The following AMD1 variants were observed in gnomAD, a reference collection of about 807,000 sequenced individuals.
AMD1 encodes S-adenosylmethionine decarboxylase proenzyme.
Under a neutral mutation model 40.2 loss-of-function variants are expected in AMD1, and 11 were observed. The ratio of observed to expected loss-of-function variants is 0.27; its 90% CI spans 0.17 to 0.45. The LOEUF is 0.45. Among genes scored for constraint, AMD1 ranks in the 20% least tolerant of loss-of-function variants. AMD1 has a pLI of 1.00. For missense variants in AMD1, 257 were observed against 410.2 expected (o/e 0.63, Z 3.23); for synonymous variants, 121 against 130.8 (o/e 0.93, Z 0.51).
the AMD1 span, among the ~76,000 whole-genome samples, chr6:110,854,471 C>T: frequency 1.3e-5 from 2 of 150,482 alleles, no homozygotes; most frequent in Non-Finnish European, 3.0e-5. Flanking sequence ...TTTTTTGAAA[C>T]GGAGTCTCAT....
the AMD1 span, among the ~76,000 whole-genome samples, chr6:110,862,936 TTTTGTTTGTTTTTG>T: frequency 3.8e-5 from 4 of 104,724 alleles, no homozygotes; most frequent in Non-Finnish European, 8.0e-5. Flanking sequence ...GTTTGTTTGT[TTTTGTTTGTTTTTG>T]TTTGTTTGTT....
chr6:110,827,456 T>C, the AMD1 span, among the ~76,000 whole-genome samples: 5 of 152,090 alleles, frequency 3.3e-5, no homozygotes, highest in East Asian at 5.8e-4. Flanking sequence ...ATGTTTTCTT[T>C]CTATAAAGGA....
the AMD1 span, chr6:110,856,605 C>T: frequency 2.0e-5 from 3 of 152,178 alleles, no homozygotes; most frequent in South Asian, 2.1e-4. Flanking sequence ...TGGTAAGTAG[C>T]ATAGCTGCCC....
Position 110,886,105 on chromosome 6 carries a change from A to G in AMD1, c.111-1400A>G, listed in dbSNP as rs148847644. ...CCCTGTCGCCACTAAAAATACAAAA[A>G]TTAGCCAGGTGTGGTGGCACGTGCC... On this transcript the variant is annotated intron_variant, in intron 1 of 8. Transcript: ENST00000368885. 7.6e-3 allele frequency among the ~76,000 whole-genome samples: 1,158 copies of G among 151,966 alleles called. 23 individuals are homozygous for G. The highest frequency in any genetic ancestry group is 0.027 in the African/African-American group (1,107 of 41,452).
the AMD1 span, among the ~76,000 whole-genome samples, chr6:110,859,590 G>A: frequency 2.6e-4 from 39 of 152,262 alleles, no homozygotes; most frequent in African/African-American, 9.4e-4. Flanking sequence ...GAGGAATGGG[G>A]CGGGGACAGT....
chr6:110,824,546 G>A, the AMD1 span, among the ~76,000 whole-genome samples: 1 of 152,202 alleles, frequency 6.6e-6, no homozygotes, highest in African/African-American at 2.4e-5. Flanking sequence ...GTAACCAAAA[G>A]CCACTTGTAT....
intron 1 of AMD1, among the ~76,000 whole-genome samples, chr6:110,881,348 A>T (rs1489479210): frequency 6.6e-6 from 1 of 152,168 alleles, no homozygotes; most frequent in African/African-American, 2.4e-5. Context: ...CAGTTGTGAT[A>T]AAAAATGTCT....
At chr6:110,888,344 TCA>T (rs1269071975) in intron 2 of AMD1, 2 of 152,108 alleles carry the variant, frequency 1.3e-5, no homozygotes, top group Admixed American at 1.3e-4. Context: ...AGGCGGAGTC[TCA>T]GTCTGTCCAG....
the AMD1 span, among the ~76,000 whole-genome samples, chr6:110,835,254 G>A: frequency 1.3e-5 from 2 of 151,240 alleles, no homozygotes; most frequent in East Asian, 2.1e-4. Context: ...TCCTGACCTC[G>A]TGATCCGCCC....
chr6:110,839,885 T>C, the AMD1 span, among the ~76,000 whole-genome samples: 1 of 152,134 alleles, frequency 6.6e-6, no homozygotes, highest in African/African-American at 2.4e-5. Flanking sequence ...TTAGCCAACA[T>C]GGCTGGGAAA....
intron 1 of AMD1, among the ~76,000 whole-genome samples, chr6:110,880,179 A>G (rs1351021046): frequency 2.4e-4 from 36 of 150,728 alleles, no homozygotes; most frequent in African/African-American, 8.3e-4. Flanking sequence ...CTGGTCTTGA[A>G]CTCCTGACTT....
chr6:110,881,649 C>G (rs1299147785), intron 1 of AMD1, among the ~76,000 whole-genome samples: 1 of 151,756 alleles, frequency 6.6e-6, no homozygotes, highest in African/African-American at 2.4e-5. Context: ...AACACCTTCT[C>G]TACTAAAAAT....
the AMD1 span, among the ~76,000 whole-genome samples, chr6:110,819,166 T>C: frequency 2.0e-5 from 3 of 152,140 alleles, no homozygotes; most frequent in Non-Finnish European, 4.4e-5. Flanking sequence ...GAGACCAGCC[T>C]AATCAACACG....
chr6:110,878,889 T>C (rs1785249249), intron 1 of AMD1, among the ~76,000 whole-genome samples: 1 of 152,226 alleles, frequency 6.6e-6, no homozygotes, highest in South Asian at 2.1e-4. Context: ...TCAGCTTAAC[T>C]TTCCCCAAAC....
chr6:110,859,340 TGG>T, the AMD1 span, among the ~76,000 whole-genome samples: 20 of 152,078 alleles, frequency 1.3e-4, no homozygotes, highest in Non-Finnish European at 2.4e-4. Flanking sequence ...CACCAGGCTG[TGG>T]GGTAAGGGGT....
At chr6:110,883,182 T>C (rs936633894) in intron 1 of AMD1, among the ~76,000 whole-genome samples, 1 of 152,222 alleles carries the variant, frequency 6.6e-6, no homozygotes, top group African/African-American at 2.4e-5. Flanking sequence ...TCTTCTCTTA[T>C]TAAAATGCAA....
chr6:110,845,898 T>C, the AMD1 span, among the ~76,000 whole-genome samples: 1 of 152,228 alleles, frequency 6.6e-6, no homozygotes, highest in Admixed American at 6.6e-5. Flanking sequence ...ACACCAGTTT[T>C]GAAACCTGCT....
chr6:110,832,888 T>A, the AMD1 span, among the ~76,000 whole-genome samples: 1 of 152,144 alleles, frequency 6.6e-6, no homozygotes, highest in Non-Finnish European at 1.5e-5. Flanking sequence ...TGGCACGATG[T>A]CGGCTCACTG....
At chr6:110,852,200 A>ATTT in the AMD1 span, among the ~76,000 whole-genome samples, 212 of 51,304 alleles carry the variant, frequency 4.1e-3, 58 homozygotes, top group Non-Finnish European at 5.4e-3. Flanking sequence ...CGCCTGGCTA[A>ATTT]TTTTTTTTTT....
Sources: gnomAD v4.1 joint callset for allele counts (sites outside exome capture counted in the v4.1 genomes callset) on GRCh38, gnomAD v4.1.1 for gene constraint, MANE v1.5 for transcripts, NCBI Gene and HGNC (gene_info 2026-07-23, HGNC 2026-07-21) for gene names.